ARAP2: variants seen among roughly 807,000 people sequenced by gnomAD.
ARAP2 encodes the protein arf-GAP with Rho-GAP domain, ANK repeat and PH domain-containing protein 2.
Under a neutral mutation model 194.5 loss-of-function variants are expected in ARAP2, and 148 were observed. The ratio of observed to expected loss-of-function variants is 0.76; its 90% confidence interval spans 0.67 to 0.87. ARAP2 has a LOEUF of 0.87. Ranked by LOEUF, ARAP2 falls within the 40% of genes least tolerant of loss-of-function variation. The probability of loss-of-function intolerance (pLI) is 0.00; values close to 1 mark genes in which losing one functional copy is unlikely to be tolerated. For missense variants in ARAP2, 2,128 were observed against 1,989.7 expected, an observed-to-expected ratio of 1.07 and a Z score of -1.32; for synonymous variants, 695 against 683.5, an observed-to-expected ratio of 1.02 and a Z score of -0.26.
Position 36,117,041 on chromosome 4 carries a change from C to T in ARAP2, c.4038+20G>A, listed in dbSNP as rs1454552854. Reference sequence around the variant, plus strand: ...TTGTGACTTCCAACAGTCCTCTTTACATCCACCTTTAGAACTTACCCGAAT... The same window carrying T: ...TTGTGACTTCCAACAGTCCTCTTTATATCCACCTTTAGAACTTACCCGAAT... On this transcript the variant is annotated intron_variant, in intron 25 of 32. Coordinates refer to ENST00000303965, the MANE Select transcript of ARAP2 (RefSeq NM_015230.4). 4.6e-6 allele frequency: 7 copies of T among 1,524,518 alleles called. No individual in the cohort carries two copies. The highest frequency in any genetic ancestry group is 2.5e-5 in the South Asian group (2 of 81,160). 94.4% of individuals were successfully genotyped at this position (1,524,518 alleles called of 1,614,324 possible).
At position 36,211,786 on chromosome 4, in the gene ARAP2, T is replaced by C. The variant is rs141318240; in HGVS notation, c.1133+610A>G. ...ATGATGTGATTATATTATGCTTATA[T>C]CAAAATATGTTATGTACCCCAGAAA... On this transcript the variant is annotated intron_variant, in intron 5 of 32. Coordinates refer to ENST00000303965, the MANE Select transcript of ARAP2 (RefSeq NM_015230.4). Among the ~76,000 whole-genome samples the C allele has an allele frequency of 2.8e-4, 43 of 152,234 alleles. No homozygotes were observed. The East Asian group carries it at 7.1e-3, about 25-fold the overall frequency.
At chr4:36,204,217 A>C (rs370205944) in intron 6 of ARAP2, among the ~76,000 whole-genome samples, 1 of 152,238 alleles carries the variant, frequency 6.6e-6, no homozygotes, top group African/African-American at 2.4e-5. Flanking sequence ...CAAGAACTGA[A>C]AAATAGGCTA....
At chr4:36,062,066 T>C (rs1243725753), downstream of ARAP2, among the ~76,000 whole-genome samples, 1 of 152,214 alleles carries the variant, frequency 6.6e-6, no homozygotes, top group Non-Finnish European at 1.5e-5. Flanking sequence ...AGTTGGATAG[T>C]TTGCAAATAT....
At chr4:36,175,433 G>A (rs1298394305) in intron 9 of ARAP2, among the ~76,000 whole-genome samples, 2 of 152,130 alleles carry the variant, frequency 1.3e-5, no homozygotes, top group Non-Finnish European at 2.9e-5. Context: ...TGGGGAAAAA[G>A]GCACATACCA....
At chr4:36,123,072 A>C (rs1415532187) in intron 22 of ARAP2, among the ~76,000 whole-genome samples, 1 of 151,868 alleles carries the variant, frequency 6.6e-6, no homozygotes, top group Non-Finnish European at 1.5e-5. Context: ...TACAACATGC[A>C]AAAGGAACTG....
rs146356187 is a variant in ARAP2, at chr4:36,178,066, C to T, written c.1679-61G>A. On this transcript the variant is annotated intron_variant, in intron 8 of 32. Coordinates refer to ENST00000303965, the MANE Select transcript of ARAP2 (RefSeq NM_015230.4). ...CATATAAGTTACATAGACACAGAAA[C>T]GTCAAGAAGAAATCCATGCCCTTTG... 1.0e-4 allele frequency: 150 copies of T among 1,436,694 alleles called. 2 individuals are homozygous for T. In the African/African-American group the frequency reaches 1.7e-3, roughly 16 times the overall value. 89.0% of individuals were successfully genotyped at this position (1,436,694 alleles called of 1,614,324 possible). A position where few individuals can be genotyped will look rare whatever the true frequency, so the allele number is the denominator to read the frequency against.
chr4:36,222,622 T>A (rs1749429946), intron 2 of ARAP2, among the ~76,000 whole-genome samples: 1 of 152,148 alleles, frequency 6.6e-6, no homozygotes, highest in African/African-American at 2.4e-5. Context: ...TAAACACCAG[T>A]TTCAGAATAT....
At chr4:36,134,153 T>C (rs1726091371) in intron 19 of ARAP2, among the ~76,000 whole-genome samples, 2 of 151,772 alleles carry the variant, frequency 1.3e-5, no homozygotes, top group South Asian at 2.1e-4. Context: ...AAAATAAATA[T>C]AATAATAGCA....
intron 32 of ARAP2, among the ~76,000 whole-genome samples, chr4:36,071,711 T>C (rs1236005423): frequency 6.6e-6 from 1 of 151,542 alleles, no homozygotes; most frequent in Non-Finnish European, 1.5e-5. Flanking sequence ...TCTTTTTTTT[T>C]TATTATACTT....
Position 36,096,362 on chromosome 4 carries a change from C to CAA in ARAP2, c.4286-4344_4286-4343dup, listed in dbSNP as rs10632831. Among the ~76,000 whole-genome samples the CAA allele has an allele frequency of 4.5e-3, 361 of 80,768 alleles. 5 individuals are homozygous for CAA. Among genetic ancestry groups the CAA allele is most frequent in the South Asian group, 0.027 (69 of 2,558 alleles). The allele number at this position is 80,768 out of a possible 152,430, so 53.0% of individuals were successfully genotyped here. A position where few individuals can be genotyped will look rare whatever the true frequency, so the allele number is the denominator to read the frequency against. ...TCTGGGCGGCAGAGTGAGACTCTCTCAAAAAAAAAAAAAAAAAAGAAAAAG... is the reference window on the plus strand; with the variant it reads ...TCTGGGCGGCAGAGTGAGACTCTCTCAAAAAAAAAAAAAAAAAAAAGAAAAAG... On this transcript the variant is annotated intron_variant, in intron 27 of 32. Coordinates refer to ENST00000303965, the MANE Select transcript of ARAP2 (RefSeq NM_015230.4).
intron 30 of ARAP2, among the ~76,000 whole-genome samples, chr4:36,080,920 A>C (rs1399613875): frequency 1.3e-5 from 2 of 152,196 alleles, no homozygotes; most frequent in African/African-American, 2.4e-5. Flanking sequence ...AACTGAGTGC[A>C]AACATAGAAA....
At chr4:36,060,715 T>A (rs1724285192) in intron 1 of ARAP2, among the ~76,000 whole-genome samples, 1 of 152,174 alleles carries the variant, frequency 6.6e-6, no homozygotes, top group Non-Finnish European at 1.5e-5. Context: ...GCAGGTTTGT[T>A]TTCTTATAAG....
At chr4:36,201,114 C>G (rs1469492851) in intron 6 of ARAP2, among the ~76,000 whole-genome samples, 1 of 152,160 alleles carries the variant, frequency 6.6e-6, no homozygotes, top group African/African-American at 2.4e-5. Flanking sequence ...TTTCCAAGAA[C>G]TGTGTAGAGC....
At chr4:36,159,135 G>A (rs1733313058) in intron 14 of ARAP2, among the ~76,000 whole-genome samples, 196 bp downstream of exon 14, 1 of 152,252 alleles carries the variant, frequency 6.6e-6, no homozygotes, top group African/African-American at 2.4e-5. Flanking sequence ...AAGATTACGG[G>A]AACATAAAAG....
intron 6 of ARAP2, among the ~76,000 whole-genome samples, chr4:36,203,722 C>T (rs1285144564): frequency 6.6e-6 from 1 of 152,050 alleles, no homozygotes; most frequent in Non-Finnish European, 1.5e-5. Flanking sequence ...CTACCATGAT[C>T]GTCTTACAAG....
chr4:36,207,893 T>C (rs1560669565), intron 6 of ARAP2, among the ~76,000 whole-genome samples: 2 of 152,170 alleles, frequency 1.3e-5, no homozygotes, highest in Non-Finnish European at 1.5e-5. Context: ...TGTATTACAA[T>C]GTTCTTATAA....
intron 9 of ARAP2, among the ~76,000 whole-genome samples, chr4:36,175,511 C>G (rs1381673225): frequency 6.6e-6 from 1 of 152,104 alleles, no homozygotes; most frequent in African/African-American, 2.4e-5. Flanking sequence ...TCCTTATCGG[C>G]TCATTCTTGA....
chr4:36,013,567 C>T (rs548580580), intron 8 of ARAP2, among the ~76,000 whole-genome samples: 7 of 152,092 alleles, frequency 4.6e-5, no homozygotes, highest in East Asian at 1.9e-4. Flanking sequence ...AAGAAAGTAG[C>T]GTATATGGAT....
chr4:36,026,372 C>T (rs994320966), intron 5 of ARAP2, among the ~76,000 whole-genome samples: 5 of 152,296 alleles, frequency 3.3e-5, no homozygotes, highest in Admixed American at 3.3e-4. Context: ...GGATGTCAGA[C>T]GGGACACAAG....
Sources: allele counts gnomAD v4.1 joint callset (sites outside exome capture counted in the v4.1 genomes callset), GRCh38; gene constraint gnomAD v4.1.1; transcripts MANE v1.5; gene names NCBI Gene and HGNC (gene_info 2026-07-23, HGNC 2026-07-21).